The following GRID1 variants were observed in gnomAD, a reference collection of about 807,000 sequenced individuals.
The protein encoded by GRID1 is glutamate receptor ionotropic, delta-1.
A neutral mutation model predicts 98.0 loss-of-function variants in GRID1; 28 were observed. The ratio of observed to expected loss-of-function variants is 0.29; its 90% confidence interval spans 0.21 to 0.39. The LOEUF is 0.39. GRID1 is among the 10% of genes least tolerant of loss of function. GRID1 has a pLI of 1.00. For synonymous variants in GRID1, 553 were observed against 538.5 expected, an observed-to-expected ratio of 1.03 and a Z score of -0.37; for missense variants, 1,111 against 1,340.5, an observed-to-expected ratio of 0.83 and a Z score of 2.67.
chr10:85,619,938 G>T lies in GRID1; in HGVS notation c.2289C>A (p.Asn763Lys). 1 of 1,614,136 alleles carries T rather than the reference G, an allele frequency of 6.2e-7. No homozygotes were observed. Among genetic ancestry groups the T allele is most frequent in the East Asian group, 2.2e-5 (1 of 44,880 alleles). ...DDDCSVTVIG[N>K]SISSKGYGIA... ...TCCCGTAACCCTTGCTGCTGATGCT[G>T]TTGCCGATGACAGTCACCGAGCAGT... Residue 763 changes from asparagine to lysine, a missense_variant, in exon 14 of 16, where the codon AAC becomes AAA. Transcript: ENST00000327946.
chr10:85,689,784 A>G (rs1192002689), intron 12 of GRID1, among the ~76,000 whole-genome samples: 1 of 152,192 alleles, frequency 6.6e-6, no homozygotes, highest in Non-Finnish European at 1.5e-5. Context: ...AACTCAGGTC[A>G]TTTCTCTCTT....
chr10:86,259,655 T>C (rs1846981514), intron 2 of GRID1, among the ~76,000 whole-genome samples: 1 of 152,008 alleles, frequency 6.6e-6, no homozygotes, highest in South Asian at 2.1e-4. Flanking sequence ...TAATAACACA[T>C]GTCTGTGTGT....
intron 8 of GRID1, among the ~76,000 whole-genome samples, chr10:85,787,775 C>T (rs1262411654): frequency 5.9e-5 from 9 of 152,182 alleles, no homozygotes. Context: ...CCCACCCCGC[C>T]TTGCCCCTCT....
chr10:86,329,047 C>T (rs1334485944), intron 2 of GRID1, among the ~76,000 whole-genome samples: 1 of 152,200 alleles, frequency 6.6e-6, no homozygotes, highest in East Asian at 1.9e-4. Context: ...TGACCATATC[C>T]AAGAAGGCCA....
intron 4 of GRID1, among the ~76,000 whole-genome samples, chr10:85,919,706 G>C (rs1256663185): frequency 1.3e-5 from 2 of 152,236 alleles, no homozygotes; most frequent in Non-Finnish European, 2.9e-5. Context: ...CGTCTGCAGA[G>C]TGAGAACACT....
chr10:85,624,356 A>G (rs747175953), intron 13 of GRID1, among the ~76,000 whole-genome samples: 3 of 152,206 alleles, frequency 2.0e-5, no homozygotes, highest in Non-Finnish European at 4.4e-5. Flanking sequence ...CCATGGATCA[A>G]TGCCTTAGCA....
chr10:86,268,018 GCA>G (rs1292217184), intron 2 of GRID1, among the ~76,000 whole-genome samples: 6 of 152,170 alleles, frequency 3.9e-5, no homozygotes, highest in Non-Finnish European at 8.8e-5. Flanking sequence ...CCTGTGTCAT[GCA>G]CAGTCATCTT....
At chr10:85,905,273 C>A (rs1392252828) in intron 5 of GRID1, among the ~76,000 whole-genome samples, 1 of 151,722 alleles carries the variant, frequency 6.6e-6, no homozygotes, top group African/African-American at 2.4e-5. Context: ...AATTCTGTAC[C>A]TAGTAAAAAT....
chr10:85,794,017 G>A (rs1842504282), intron 8 of GRID1, among the ~76,000 whole-genome samples: 1 of 152,168 alleles, frequency 6.6e-6, no homozygotes, highest in Non-Finnish European at 1.5e-5. Context: ...TTAACATGCA[G>A]CATTTCCCAT....
At chr10:85,629,146 G>A (rs1415443021) in intron 13 of GRID1, among the ~76,000 whole-genome samples, 1 of 152,160 alleles carries the variant, frequency 6.6e-6, no homozygotes, top group Admixed American at 6.5e-5. Flanking sequence ...TAGTGAGGAG[G>A]ACAGCAGTGG....
rs570166159 is a variant in GRID1, at chr10:86,254,908, G to A, written c.236-48260C>T. Among the ~76,000 whole-genome samples the A allele has an allele frequency of 3.9e-5, 6 of 152,318 alleles. No individual in the cohort carries two copies. The East Asian group carries it at 7.7e-4, about 20-fold the overall frequency. ...TGCCTGAGGGACCCTCACTAAAGCA[G>A]GGGAAAACCTCCAGGACTCAGGAAG... On this transcript the variant is annotated intron_variant, in intron 2 of 15. Transcript: ENST00000327946.
At chr10:85,635,491 G>A (rs1843028802) in intron 13 of GRID1, among the ~76,000 whole-genome samples, 1 of 152,024 alleles carries the variant, frequency 6.6e-6, no homozygotes, top group Admixed American at 6.6e-5. Context: ...TAAGAAAGAT[G>A]CATATGAATG....
At chr10:86,187,533 A>G (rs1845742199) in intron 3 of GRID1, among the ~76,000 whole-genome samples, 1 of 152,300 alleles carries the variant, frequency 6.6e-6, no homozygotes, top group Middle Eastern at 3.4e-3. Flanking sequence ...TCCCTAAGGG[A>G]CCCAGCACTG....
chr10:86,347,460 T>C (rs1848401616), intron 2 of GRID1, among the ~76,000 whole-genome samples: 1 of 152,176 alleles, frequency 6.6e-6, no homozygotes. Flanking sequence ...GGGGAGGAAG[T>C]GATTCAGCCC....
chr10:85,774,060 T>C (rs994794538), intron 8 of GRID1, among the ~76,000 whole-genome samples: 15 of 152,102 alleles, frequency 9.9e-5, no homozygotes, highest in African/African-American at 2.9e-4. Flanking sequence ...CATCACGCTA[T>C]CTGACTTCAA....
At chr10:85,986,153 G>A (rs1268075299) in intron 4 of GRID1, among the ~76,000 whole-genome samples, 1 of 152,204 alleles carries the variant, frequency 6.6e-6, no homozygotes, top group African/African-American at 2.4e-5. Context: ...CGTAACTTAC[G>A]GATGGATTGG....
intron 2 of GRID1, among the ~76,000 whole-genome samples, chr10:86,305,022 T>G (rs1847740117): frequency 1.3e-5 from 2 of 151,886 alleles, no homozygotes; most frequent in African/African-American, 4.8e-5. Flanking sequence ...ATTTTTCAGA[T>G]GTGATTAACA....
At chr10:85,815,242 C>T (rs1330754176) in intron 8 of GRID1, among the ~76,000 whole-genome samples, 1 of 152,016 alleles carries the variant, frequency 6.6e-6, no homozygotes, top group Non-Finnish European at 1.5e-5. Flanking sequence ...AAGGAAACTT[C>T]CACGACTTAA....
chr10:85,985,584 A>T (rs1345957371), intron 4 of GRID1, among the ~76,000 whole-genome samples: 1,642 of 152,252 alleles, frequency 0.011, no homozygotes, highest in African/African-American at 0.038. Flanking sequence ...TGCAGCAAGA[A>T]CCTACATCTG....
Sources: allele counts gnomAD v4.1 joint callset (sites outside exome capture counted in the v4.1 genomes callset), GRCh38; gene constraint gnomAD v4.1.1; transcripts MANE v1.5; gene names NCBI Gene and HGNC (gene_info 2026-07-23, HGNC 2026-07-21).